CASR: variants seen among roughly 807,000 people sequenced by gnomAD.
The protein encoded by CASR is calcium sensing receptor.
A neutral mutation model predicts 69.1 loss-of-function variants in CASR; 23 were observed. The ratio of observed to expected loss-of-function variants is 0.33; its 90% CI spans 0.24 to 0.47. The LOEUF (loss-of-function observed/expected upper bound fraction) is 0.47, where lower values mean the gene tolerates loss of function less well. Ranked by LOEUF, CASR falls within the 20% of genes least tolerant of loss-of-function variation. The pLI is 1.00. For missense variants in CASR, 924 were observed against 1,356.1 expected (o/e 0.68, Z 5.00); for synonymous variants, 541 against 544.7 (o/e 0.99, Z 0.10).
intron 1 of CASR, among the ~76,000 whole-genome samples, chr3:122,219,053 G>A (rs944958930): frequency 6.6e-6 from 1 of 152,194 alleles, no homozygotes; most frequent in African/African-American, 2.4e-5. Context: ...GAAATAGTGA[G>A]CAAGGAGGAA....
chr3:122,207,207 A>G (rs935780768), intron 1 of CASR, among the ~76,000 whole-genome samples: 14 of 152,176 alleles, frequency 9.2e-5, no homozygotes, highest in African/African-American at 3.4e-4. Context: ...ATTGTATTGC[A>G]AAGTCCCCTA....
At chr3:122,184,066 G>A (rs1447392481) in intron 1 of CASR, among the ~76,000 whole-genome samples, 2 of 152,142 alleles carry the variant, frequency 1.3e-5, no homozygotes, top group African/African-American at 2.4e-5. Flanking sequence ...CGTCTGCTGG[G>A]GACCCGAGCC....
intron 2 of CASR, 30 bp downstream of exon 2, chr3:122,254,404 C>A: frequency 6.2e-7 from 1 of 1,603,190 alleles, no homozygotes; most frequent in South Asian, 1.1e-5. Flanking sequence ...CTGCCAATCT[C>A]TTCTCTTCTG....
chr3:122,199,895 TTTTG>T (rs775060377), intron 1 of CASR, among the ~76,000 whole-genome samples: 7 of 152,104 alleles, frequency 4.6e-5, no homozygotes, highest in African/African-American at 1.7e-4. Context: ...TTTTTTGTTT[TTTTG>T]TTTGTTTGTT....
intron 1 of CASR, among the ~76,000 whole-genome samples, chr3:122,244,457 A>G (rs1265376559): frequency 6.7e-6 from 1 of 150,128 alleles, no homozygotes; most frequent in African/African-American, 2.4e-5. Flanking sequence ...GAGAAAAAAC[A>G]AACTATGGTT....
In CASR at chr3:122,290,483, A is replaced by C. The variant is rs1243345451; in HGVS notation, c.*5292A>C. The C allele has an allele frequency of 6.6e-6, 1 of 152,240 alleles. No individual in the cohort carries two copies. Among genetic ancestry groups the C allele is most frequent in the Non-Finnish European group, 1.5e-5 (1 of 68,038 alleles). The allele number at this position is 152,240 out of a possible 1,614,324, so 9.4% of individuals were successfully genotyped here. On this transcript the variant is annotated 3_prime_UTR_variant, in exon 7 of 7. Coordinates refer to ENST00000639785, the MANE Select transcript of CASR (RefSeq NM_000388.4). The stretch of plus-strand genomic sequence containing the variant: ...TCTCATTATAAATGAGAAACTTATA[A>C]ATTATAAATATACACTCATTATAAA...
At chr3:122,188,619 C>T (rs1258076431) in intron 1 of CASR, among the ~76,000 whole-genome samples, 5 of 152,084 alleles carry the variant, frequency 3.3e-5, no homozygotes, top group African/African-American at 9.7e-5. Flanking sequence ...CTCTCTTTTT[C>T]TCTCTCTCTA....
chr3:122,246,702 G>T (rs1157381695), intron 1 of CASR: 1 of 152,144 alleles, frequency 6.6e-6, no homozygotes, highest in Admixed American at 6.5e-5. Context: ...AACTGACCAT[G>T]GTGGGAATAT....
At chr3:122,230,276 G>T (rs1008467827) in intron 1 of CASR, among the ~76,000 whole-genome samples, 7 of 152,220 alleles carry the variant, frequency 4.6e-5, no homozygotes, top group African/African-American at 1.7e-4. Context: ...GACGCCTCGC[G>T]GTGAGGGCCA....
intron 1 of CASR, chr3:122,247,118 AG>A (rs1368745997): frequency 6.6e-6 from 1 of 152,212 alleles, no homozygotes; most frequent in Admixed American, 6.5e-5. Flanking sequence ...CTTTCCACTC[AG>A]TCAGCCCTTC....
intron 1 of CASR, among the ~76,000 whole-genome samples, chr3:122,231,041 T>G (rs1576836641): frequency 6.6e-6 from 1 of 152,304 alleles, no homozygotes. Context: ...CTCAGAATTT[T>G]TGCAGCTTTT....
chr3:122,201,251 T>C (rs2073948012), intron 1 of CASR, among the ~76,000 whole-genome samples: 1 of 152,292 alleles, frequency 6.6e-6, no homozygotes, highest in South Asian at 2.1e-4. Flanking sequence ...GCACATCTTG[T>C]ACCGCCCTTA....
intron 1 of CASR, among the ~76,000 whole-genome samples, chr3:122,240,140 A>G (rs2074366395): frequency 6.6e-6 from 1 of 152,228 alleles, no homozygotes; most frequent in Non-Finnish European, 1.5e-5. Flanking sequence ...TAAAAGAGCA[A>G]CAGGAAAGAA....
At chr3:122,241,296 GA>G (rs1340247769) in intron 1 of CASR, among the ~76,000 whole-genome samples, 5 of 151,712 alleles carry the variant, frequency 3.3e-5, no homozygotes, top group African/African-American at 9.7e-5. Context: ...GCCAGACTAG[GA>G]AAAAATGAGA....
rs140694963 is a variant in CASR, at chr3:122,280,003, T to C, written c.1609-2110T>C. Among the ~76,000 whole-genome samples the C allele has an allele frequency of 2.0e-5, 3 of 152,298 alleles. No individual in the cohort carries two copies. In the East Asian group the frequency reaches 5.8e-4, roughly 29 times the overall value. On this transcript the variant is annotated intron_variant, in intron 5 of 6. Coordinates refer to ENST00000639785, the MANE Select transcript of CASR (RefSeq NM_000388.4). ...AGTGTTGTTCTCCACCCTGTGTCCA[T>C]GTGTTCCCATTGTTCAGCTCCCACT...
chr3:122,212,640 AC>A (rs1381596166), intron 1 of CASR, among the ~76,000 whole-genome samples: 1 of 94,626 alleles, frequency 1.1e-5, no homozygotes, highest in Non-Finnish European at 2.2e-5. Flanking sequence ...CAGATTTTCT[AC>A]AATTTTTTTT....
chr3:122,284,147 C>T lies in CASR; in HGVS notation c.2193C>T (p.Cys731=), dbSNP rs773060830. ...LNLQFLLVFL[C]TFMQIVICVI... ...TGCAGTTCCTGCTGGTTTTCCTCTG[C>T]ACCTTCATGCAGATTGTCATCTGTG... The change falls in exon 7 of 7, where the codon TGC becomes TGT. Residue 731 remains cysteine (C), a synonymous_variant. Coordinates refer to ENST00000639785, the MANE Select transcript of CASR (RefSeq NM_000388.4). 2 of 1,613,488 alleles carry T rather than the reference C, an allele frequency of 1.2e-6. No homozygotes were observed. The highest frequency in any genetic ancestry group is 1.7e-6 in the Non-Finnish European group (2 of 1,179,494).
At chr3:122,202,096 G>A (rs1200240656) in intron 1 of CASR, among the ~76,000 whole-genome samples, 22 of 152,006 alleles carry the variant, frequency 1.4e-4, no homozygotes, top group Admixed American at 6.6e-5. Flanking sequence ...GTAGCGAGCC[G>A]AGATCACGCC....
At chr3:122,257,646 G>T (rs1224231477) in intron 3 of CASR, 17 of 419,430 alleles carry the variant, frequency 4.1e-5, no homozygotes, top group Non-Finnish European at 5.5e-5. Context: ...TTAAAAAGAG[G>T]CATTCAGTTA....
Sources: allele counts gnomAD v4.1 joint callset (sites outside exome capture counted in the v4.1 genomes callset), GRCh38; gene constraint gnomAD v4.1.1; transcripts MANE v1.5; gene names NCBI Gene and HGNC (gene_info 2026-07-23, HGNC 2026-07-21).